ABCB7: variants seen among roughly 807,000 people sequenced by gnomAD.
ABCB7 encodes iron-sulfur clusters transporter ABCB7, mitochondrial.
Under a neutral mutation model 54.4 loss-of-function variants are expected in ABCB7, and 7 were observed. The ratio of observed to expected loss-of-function variants is 0.13; its 90% CI spans 0.07 to 0.24. ABCB7 has a LOEUF of 0.24. Ranked by LOEUF, ABCB7 falls within the 10% of genes least tolerant of loss-of-function variation. The probability of loss-of-function intolerance (pLI) is 1.00; values close to 1 mark genes in which losing one functional copy is unlikely to be tolerated. For synonymous variants in ABCB7, 218 were observed against 207.1 expected (o/e 1.05, Z -0.45); for missense variants, 356 against 570.4 (o/e 0.62, Z 3.83).
chrX:75,098,888 T>C, intron 4 of ABCB7, 54 bp downstream of exon 4: 2 of 1,204,949 alleles, frequency 1.7e-6, no homozygotes, highest in South Asian at 3.5e-5. Flanking sequence ...GATTCATAAC[T>C]AGAAAATGTA....
intron 1 of ABCB7, among the ~76,000 whole-genome samples, chrX:75,152,798 C>T (rs1401472311): frequency 9.2e-6 from 1 of 108,182 alleles, no homozygotes; most frequent in Non-Finnish European, 1.9e-5. Flanking sequence ...TAGCTGTAGT[C>T]ACAGGTGCAC....
intron 1 of ABCB7, among the ~76,000 whole-genome samples, chrX:75,144,248 C>T (rs2082075932): frequency 1.8e-5 from 2 of 111,962 alleles, no homozygotes; most frequent in Non-Finnish European, 1.9e-5. Context: ...AAATTACTTT[C>T]TAGAATGGCC....
intron 4 of ABCB7, among the ~76,000 whole-genome samples, chrX:75,091,063 T>A (rs1462168596): frequency 9.0e-6 from 1 of 111,461 alleles, no homozygotes; most frequent in African/African-American, 3.2e-5. Context: ...GAATTCTCTA[T>A]AATTTCTTCC....
intron 1 of ABCB7, among the ~76,000 whole-genome samples, chrX:75,143,823 C>T (rs1295064849): frequency 9.0e-6 from 1 of 110,772 alleles, no homozygotes. Flanking sequence ...AAAGACTTGT[C>T]CCCAAAATTC....
chrX:75,098,873 C>A, intron 4 of ABCB7, 69 bp downstream of exon 4: 1 of 1,192,400 alleles, frequency 8.4e-7, no homozygotes, highest in Non-Finnish European at 1.1e-6. Context: ...TTACACCAGG[C>A]CCAGGATTCA....
chrX:75,107,959 G>A (rs1302741593), intron 3 of ABCB7, among the ~76,000 whole-genome samples: 4 of 110,226 alleles, frequency 3.6e-5, no homozygotes, highest in African/African-American at 9.9e-5. Flanking sequence ...TGGGCCAGAA[G>A]GGGGCCCACT....
At chrX:75,145,195 A>C (rs983884001) in intron 1 of ABCB7, among the ~76,000 whole-genome samples, 3 of 111,488 alleles carry the variant, frequency 2.7e-5, no homozygotes, top group African/African-American at 9.8e-5. Flanking sequence ...AAACTATTCC[A>C]AAAAATTGAG....
At chrX:75,055,097 A>G (rs1195313608) in intron 15 of ABCB7, among the ~76,000 whole-genome samples, 1 of 111,394 alleles carries the variant, frequency 9.0e-6, no homozygotes, top group Non-Finnish European at 1.9e-5. Context: ...GACATTTCTC[A>G]TTTCAAAAAT....
intron 1 of ABCB7, among the ~76,000 whole-genome samples, chrX:75,120,124 C>T (rs1355257534): frequency 8.9e-6 from 1 of 111,735 alleles, no homozygotes; most frequent in Non-Finnish European, 1.9e-5. Context: ...GCTGCTGATC[C>T]TTTGTTTTAT....
intron 10 of ABCB7, among the ~76,000 whole-genome samples, chrX:75,069,897 C>T (rs1049691120): frequency 5.5e-5 from 6 of 109,710 alleles, no homozygotes; most frequent in Non-Finnish European, 1.1e-4. Context: ...TATTTTGAGA[C>T]GGAGTTCGCC....
At chrX:75,099,316 G>C (rs903732418) in intron 3 of ABCB7, among the ~76,000 whole-genome samples, 15 of 111,378 alleles carry the variant, frequency 1.3e-4, no homozygotes, top group African/African-American at 4.9e-4. Context: ...TGTTAAAAAA[G>C]TAATTTAGTG....
intron 1 of ABCB7, among the ~76,000 whole-genome samples, chrX:75,151,122 G>A (rs1446523436): frequency 9.0e-6 from 1 of 111,216 alleles, no homozygotes; most frequent in Non-Finnish European, 1.9e-5. Flanking sequence ...ATTCTCAAAG[G>A]GCCTCGTGTT....
At chrX:75,061,192 A>G (rs1337536780) in intron 14 of ABCB7, among the ~76,000 whole-genome samples, 1 of 111,849 alleles carries the variant, frequency 8.9e-6, no homozygotes, top group African/African-American at 3.2e-5. Flanking sequence ...ACCTTTAACA[A>G]CTTAAACTCT....
At chrX:75,082,089 A>G (rs779771102) in intron 4 of ABCB7, among the ~76,000 whole-genome samples, 1 of 111,743 alleles carries the variant, frequency 8.9e-6, no homozygotes, top group East Asian at 2.8e-4. Context: ...ATAAACCTAT[A>G]ATTTCAAGAA....
At chrX:75,101,013 G>C (rs2081635083) in intron 3 of ABCB7, among the ~76,000 whole-genome samples, 1 of 111,199 alleles carries the variant, frequency 9.0e-6, no homozygotes, top group Admixed American at 9.6e-5. Context: ...AGAGGAATGT[G>C]TTAAATGAAA....
At chrX:75,118,927 T>C (rs1483722996) in intron 1 of ABCB7, among the ~76,000 whole-genome samples, 1 of 111,675 alleles carries the variant, frequency 9.0e-6, no homozygotes, top group Non-Finnish European at 1.9e-5. Flanking sequence ...GCCTTCCAGC[T>C]GTGCCTGCTT....
intron 4 of ABCB7, among the ~76,000 whole-genome samples, chrX:75,095,316 T>C (rs1371352063): frequency 9.0e-6 from 1 of 111,555 alleles, no homozygotes; most frequent in East Asian, 2.8e-4. Flanking sequence ...GATCAGAATA[T>C]AAAGAGGCCT....
At chrX:75,134,428 T>A in intron 1 of ABCB7, among the ~76,000 whole-genome samples, 1 of 111,688 alleles carries the variant, frequency 9.0e-6, no homozygotes, top group East Asian at 2.8e-4. Context: ...TGAGGCAGAA[T>A]ACTAACGAAG....
intron 5 of ABCB7, 138 bp downstream of exon 5, chrX:75,076,384 T>A (rs1449575326): frequency 1.2e-6 from 1 of 817,985 alleles, no homozygotes; most frequent in African/African-American, 2.1e-5. Context: ...TAAAAACACA[T>A]ACAAAACATC....
Sources: allele counts gnomAD v4.1 joint callset (sites outside exome capture counted in the v4.1 genomes callset), GRCh38; gene constraint gnomAD v4.1.1; transcripts MANE v1.5; gene names NCBI Gene and HGNC (gene_info 2026-07-23, HGNC 2026-07-21).